The following COBL variants were observed in gnomAD, a reference collection of about 807,000 sequenced individuals.
The protein encoded by COBL is protein cordon-bleu.
Under a neutral mutation model 98.8 loss-of-function variants are expected in COBL, and 51 were observed. That is an observed-to-expected ratio of 0.52 (90% CI 0.41 to 0.65). The LOEUF is 0.65. COBL is among the 30% of genes least tolerant of loss of function. COBL has a pLI of 0.00. For missense variants in COBL, 1,617 were observed against 1,617.5 expected, an observed-to-expected ratio of 1.00 and a Z score of 0.01; for synonymous variants, 634 against 651.7, an observed-to-expected ratio of 0.97 and a Z score of 0.41.
At chr7:51,207,412 C>A (rs1791843276) in intron 2 of COBL, among the ~76,000 whole-genome samples, 2 of 152,126 alleles carry the variant, frequency 1.3e-5, no homozygotes, top group Admixed American at 6.5e-5. Context: ...GTCTCCCTCT[C>A]CCTCTCCCTC....
intron 1 of COBL, among the ~76,000 whole-genome samples, chr7:51,269,857 C>T (rs1798597237): frequency 6.6e-6 from 1 of 152,166 alleles, no homozygotes; most frequent in South Asian, 2.1e-4. Flanking sequence ...GCTCTGTCTC[C>T]AGACTGAGGA....
intron 7 of COBL, among the ~76,000 whole-genome samples, chr7:51,075,181 A>G (rs928359189): frequency 6.6e-6 from 1 of 152,210 alleles, no homozygotes. Flanking sequence ...TTCACAATGT[A>G]TTGGCTACAG....
intron 12 of COBL, among the ~76,000 whole-genome samples, chr7:51,023,655 C>T (rs1001173702): frequency 6.6e-6 from 1 of 152,244 alleles, no homozygotes; most frequent in Admixed American, 6.5e-5. Context: ...GTGCCTTTCA[C>T]AGCAAGGCTG....
At chr7:51,164,101 CTTTA>C (rs750029390) in intron 5 of COBL, among the ~76,000 whole-genome samples, 6 of 152,036 alleles carry the variant, frequency 3.9e-5, no homozygotes, top group African/African-American at 7.2e-5. Flanking sequence ...TATCTCTTTC[CTTTA>C]TTTATTTTCA....
intron 7 of COBL, among the ~76,000 whole-genome samples, chr7:51,048,012 C>T (rs527556118): frequency 6.6e-6 from 1 of 152,116 alleles, no homozygotes; most frequent in Non-Finnish European, 1.5e-5. Flanking sequence ...ACTAAAAATA[C>T]AAAAAATAGC....
At chr7:51,060,194 T>C (rs1483529262) in intron 7 of COBL, among the ~76,000 whole-genome samples, 2 of 152,162 alleles carry the variant, frequency 1.3e-5, no homozygotes, top group African/African-American at 2.4e-5. Flanking sequence ...TCTTAACAGG[T>C]TGCATTTTCT....
intron 6 of COBL, among the ~76,000 whole-genome samples, chr7:51,092,875 C>T (rs1794942205): frequency 6.6e-6 from 1 of 152,134 alleles, no homozygotes; most frequent in Admixed American, 6.6e-5. Flanking sequence ...GTAGTACGGA[C>T]ATTTTAACAA....
At chr7:51,149,277 G>A (rs1207375147) in intron 5 of COBL, among the ~76,000 whole-genome samples, 1 of 152,160 alleles carries the variant, frequency 6.6e-6, no homozygotes, top group African/African-American at 2.4e-5. Context: ...TCTCCTGAAA[G>A]GACAGGAACT....
intron 1 of COBL, among the ~76,000 whole-genome samples, chr7:51,283,598 C>A (rs1040298071): frequency 6.6e-6 from 1 of 152,136 alleles, no homozygotes; most frequent in Non-Finnish European, 1.5e-5. Flanking sequence ...AATTCTCCTG[C>A]CTCAGCCTCC....
rs541072620 is a variant in COBL at position 51,125,979 on chromosome 7, C to T, written c.957+10179G>A. Reference sequence around the variant, plus strand: ...TAAGTAAGGGATGGTAACTTCTAGACGCTTCGATTCCAAGAATGTTCTCCT... The same window carrying T: ...TAAGTAAGGGATGGTAACTTCTAGATGCTTCGATTCCAAGAATGTTCTCCT... On this transcript the variant is annotated intron_variant, in intron 6 of 12. Transcript: ENST00000265136. Among the ~76,000 whole-genome samples the T allele has an allele frequency of 5.9e-5, 9 of 152,252 alleles. No individual in the cohort carries two copies. In the South Asian group the frequency reaches 8.3e-4, roughly 14 times the overall value.
At chr7:51,253,219 A>G (rs927916559) in intron 1 of COBL, among the ~76,000 whole-genome samples, 5 of 152,168 alleles carry the variant, frequency 3.3e-5, no homozygotes, top group Non-Finnish European at 7.3e-5. Flanking sequence ...CTCCGTCTCA[A>G]AAAAATAATA....
intron 5 of COBL, among the ~76,000 whole-genome samples, chr7:51,177,337 G>T (rs1028717644): frequency 1.7e-4 from 26 of 152,090 alleles, no homozygotes; most frequent in African/African-American, 6.0e-4. Context: ...AATTAAAATT[G>T]CTTACTTCTT....
At chr7:51,159,681 T>C (rs770667155) in intron 5 of COBL, among the ~76,000 whole-genome samples, 2 of 152,172 alleles carry the variant, frequency 1.3e-5, no homozygotes, top group African/African-American at 2.4e-5. Flanking sequence ...AGCCAAGTGG[T>C]GAAAAATCTA....
chr7:51,286,571 C>A (rs1303236195), intron 1 of COBL, among the ~76,000 whole-genome samples: 2 of 152,160 alleles, frequency 1.3e-5, no homozygotes, highest in African/African-American at 4.8e-5. Context: ...TGCCATCTCA[C>A]ACTAGTCAGG....
intron 5 of COBL, among the ~76,000 whole-genome samples, chr7:51,146,261 A>T (rs1440810127): frequency 6.6e-6 from 1 of 152,188 alleles, no homozygotes; most frequent in Non-Finnish European, 1.5e-5. Flanking sequence ...TCACTCACAA[A>T]TTTGGGTACT....
In COBL at chr7:51,287,703, T is replaced by C. The variant is rs117047432; in HGVS notation, c.41+28890A>G. ...TACATGAATGTTTATAGCAGCTCTA[T>C]TCACACTCACAAAACACTGGAGAAA... On this transcript the variant is annotated intron_variant, in intron 1 of 12. Transcript: ENST00000265136. 4.4e-3 allele frequency among the ~76,000 whole-genome samples: 664 copies of C among 152,306 alleles called. 3 individuals are homozygous for C. The highest frequency in any genetic ancestry group is 6.9e-3 in the Non-Finnish European group (471 of 68,036).
chr7:51,307,567 T>C (rs1802608150), intron 1 of COBL, among the ~76,000 whole-genome samples: 1 of 152,144 alleles, frequency 6.6e-6, no homozygotes, highest in Non-Finnish European at 1.5e-5. Context: ...GGTCCTCCTT[T>C]AGAAAAATCT....
chr7:51,063,650 T>C (rs1222044916), intron 7 of COBL, among the ~76,000 whole-genome samples: 3 of 152,324 alleles, frequency 2.0e-5, no homozygotes, highest in Admixed American at 2.0e-4. Flanking sequence ...GGTGCCTACA[T>C]GTGCCTGCAA....
chr7:51,214,004 G>C lies in COBL; in HGVS notation c.245+5737C>G, dbSNP rs575373016. 1.6e-4 allele frequency among the ~76,000 whole-genome samples: 25 copies of C among 152,188 alleles called. No homozygotes were observed. In the East Asian group the frequency reaches 4.8e-3, roughly 29 times the overall value. Reference sequence around the variant, plus strand: ...GCTGGCTGTGGGCACGGTGGCTCACGCCTGTAATCCCAGCACTTTGGGAGG... The same window carrying C: ...GCTGGCTGTGGGCACGGTGGCTCACCCCTGTAATCCCAGCACTTTGGGAGG... On this transcript the variant is annotated intron_variant, in intron 2 of 12. Coordinates refer to ENST00000265136, the MANE Select transcript of COBL (RefSeq NM_015198.5).
Sources: gnomAD v4.1 joint callset for allele counts (sites outside exome capture counted in the v4.1 genomes callset) on GRCh38, gnomAD v4.1.1 for gene constraint, MANE v1.5 for transcripts, NCBI Gene and HGNC (gene_info 2026-07-23, HGNC 2026-07-21) for gene names.